The following LRP1B variants were observed in gnomAD, a reference collection of about 807,000 sequenced individuals.
LRP1B encodes the protein LDL receptor related protein 1B.
In LRP1B, 217 loss-of-function variants were observed where a neutral mutation model predicts 556.6. That is an observed-to-expected ratio of 0.39 (90% CI 0.35 to 0.44). LRP1B has a LOEUF of 0.44. LRP1B is among the 20% of genes least tolerant of loss of function. LRP1B has a pLI of 1.00. For synonymous variants in LRP1B, 2,047 were observed against 1,865.8 expected (o/e 1.10, Z -2.50); for missense variants, 5,053 against 5,620.8 (o/e 0.90, Z 3.23).
intron 60 of LRP1B, among the ~76,000 whole-genome samples, chr2:140,458,157 T>C (rs1375341609): frequency 1.3e-5 from 2 of 152,100 alleles, no homozygotes; most frequent in African/African-American, 2.4e-5. Context: ...AATAAAGTGG[T>C]TATGAAACTA....
chr2:140,248,240 C>A (rs1455588583), intron 86 of LRP1B, among the ~76,000 whole-genome samples: 1 of 151,558 alleles, frequency 6.6e-6, no homozygotes, highest in Admixed American at 6.6e-5. Flanking sequence ...TGGGCAAATT[C>A]TCATAAAATC....
chr2:141,699,607 A>C (rs1261194163), intron 2 of LRP1B, among the ~76,000 whole-genome samples: 1 of 151,330 alleles, frequency 6.6e-6, no homozygotes, highest in Non-Finnish European at 1.5e-5. Context: ...ACCCTGGATC[A>C]CCTCTCCGGT....
chr2:141,875,446 T>C (rs978984066), intron 1 of LRP1B, among the ~76,000 whole-genome samples: 2 of 151,998 alleles, frequency 1.3e-5, no homozygotes, highest in African/African-American at 2.4e-5. Context: ...AAAATACAAT[T>C]GATACTGATG....
At chr2:140,855,158 C>T (rs897530180) in intron 27 of LRP1B, among the ~76,000 whole-genome samples, 7 of 151,892 alleles carry the variant, frequency 4.6e-5, no homozygotes, top group Non-Finnish European at 1.0e-4. Context: ...CAATAGTGGA[C>T]GAGTTCTTAC....
intron 2 of LRP1B, among the ~76,000 whole-genome samples, chr2:141,723,514 T>TA (rs1279879929): frequency 6.6e-6 from 1 of 151,800 alleles, no homozygotes; most frequent in African/African-American, 2.4e-5. Flanking sequence ...TAAATATTGT[T>TA]ACAACTAAAA....
rs775641197 is a variant in LRP1B at position 140,903,175 on chromosome 2, G to A, written c.3521-10C>T. ...TTCAGCGAACACTCATCTATAAAAAGGGGGGAACAGATTATAGGTCTTATC... is the reference window on the plus strand; with the variant it reads ...TTCAGCGAACACTCATCTATAAAAAAGGGGGAACAGATTATAGGTCTTATC... On this transcript the variant is annotated splice_polypyrimidine_tract_variant and intron_variant, in intron 22 of 90. Transcript: ENST00000389484. The A allele has an allele frequency of 6.2e-7, 1 of 1,611,630 alleles. No individual in the cohort carries two copies. The highest frequency in any genetic ancestry group is 8.5e-7 in the Non-Finnish European group (1 of 1,179,098).
chr2:140,852,065 C>G (rs138040916), intron 27 of LRP1B, among the ~76,000 whole-genome samples: 9,512 of 152,278 alleles, frequency 0.062, 429 homozygotes, highest in Admixed American at 0.095. Context: ...TGGTTGCTCA[C>G]GCCTGTCATC....
At chr2:140,962,992 G>A (rs768274408) in intron 18 of LRP1B, among the ~76,000 whole-genome samples, 10 of 152,190 alleles carry the variant, frequency 6.6e-5, no homozygotes, top group Admixed American at 3.3e-4. Context: ...AAATACAGAG[G>A]TAGGTTTAGA....
chr2:141,532,346 C>T (rs994171433), intron 2 of LRP1B, among the ~76,000 whole-genome samples: 1 of 151,644 alleles, frequency 6.6e-6, no homozygotes, highest in African/African-American at 2.4e-5. Context: ...TGCTCTTAAG[C>T]ACAATCAGGC....
chr2:140,561,950 T>G (rs1680947200), intron 43 of LRP1B, among the ~76,000 whole-genome samples: 1 of 152,048 alleles, frequency 6.6e-6, no homozygotes, highest in South Asian at 2.1e-4. Context: ...TTAATGTAAT[T>G]TACTATATAA....
rs746803609 is a variant in LRP1B at position 140,297,889 on chromosome 2, C to T, written c.12886G>A (p.Gly4296Arg). The change falls in exon 84 of 91, where the codon GGA becomes AGA. Residue 4296 changes from glycine to arginine, a missense_variant. Around this residue, in one of 5 missense-constraint regions of LRP1B, gnomAD observed 551 missense variants for 592.0 expected, o/e 0.93. Transcript: ENST00000389484. The part of the protein sequence containing the change: ...KTVCEDFCQN[G>R]GTCIVTAGNQ... ...CCAGCAGTCACAATGCAGGTTCCTC[C>T]ATTTTGACAAAAATCCTCACAGACT... 1 of 1,614,020 alleles carries T rather than the reference C, an allele frequency of 6.2e-7. No individual in the cohort carries two copies. The highest frequency in any genetic ancestry group is 1.7e-5 in the Admixed American group (1 of 60,016).
At chr2:141,272,687 A>G (rs1685131991) in intron 3 of LRP1B, among the ~76,000 whole-genome samples, 1 of 152,194 alleles carries the variant, frequency 6.6e-6, no homozygotes, top group Non-Finnish European at 1.5e-5. Flanking sequence ...ATTTGACAAA[A>G]CAGACTTTAA....
At chr2:140,575,117 A>G (rs1275812350) in intron 43 of LRP1B, among the ~76,000 whole-genome samples, 1 of 152,206 alleles carries the variant, frequency 6.6e-6, no homozygotes, top group Non-Finnish European at 1.5e-5. Context: ...CATTACTGTG[A>G]TCCTGCGATG....
intron 86 of LRP1B, chr2:140,269,311 C>T (rs1207128016): frequency 2.1e-6 from 1 of 470,924 alleles, no homozygotes; most frequent in African/African-American, 2.0e-5. Flanking sequence ...CAAATCCCCT[C>T]ATTCTGACAG....
intron 20 of LRP1B, among the ~76,000 whole-genome samples, chr2:140,946,646 T>C (rs982055270): frequency 1.3e-5 from 2 of 151,884 alleles, no homozygotes; most frequent in Non-Finnish European, 2.9e-5. Flanking sequence ...ACAACAGAAC[T>C]ATCATTTGAC....
intron 1 of LRP1B, among the ~76,000 whole-genome samples, chr2:141,978,260 C>T (rs751724416): frequency 6.6e-6 from 1 of 151,914 alleles, no homozygotes; most frequent in African/African-American, 2.4e-5. Flanking sequence ...TTGCCAATTA[C>T]TAAAAAACCT....
At chr2:141,555,626 C>T (rs535682895) in intron 2 of LRP1B, among the ~76,000 whole-genome samples, 3 of 151,922 alleles carry the variant, frequency 2.0e-5, no homozygotes, top group Admixed American at 1.3e-4. Context: ...GGAACAAGCT[C>T]GTCATTATCT....
chr2:141,960,787 A>G lies in LRP1B; in HGVS notation c.83-150386T>C, dbSNP rs73963404. 8.3e-3 allele frequency among the ~76,000 whole-genome samples: 1,259 copies of G among 152,008 alleles called. 17 individuals carry two copies. Among genetic ancestry groups the G allele is most frequent in the African/African-American group, 0.029 (1,201 of 41,542 alleles). The stretch of plus-strand genomic sequence containing the variant: ...TTTCTATACATTAAATAAAACACTG[A>G]TTAATGTTTACAATAATCTAAAGAT... On this transcript the variant is annotated intron_variant, in intron 1 of 90. Coordinates refer to ENST00000389484, the MANE Select transcript of LRP1B (RefSeq NM_018557.3).
intron 17 of LRP1B, 101 bp downstream of exon 17, chr2:140,989,431 T>G (rs1206100775): frequency 8.0e-7 from 1 of 1,248,594 alleles, no homozygotes; most frequent in Non-Finnish European, 1.1e-6. Context: ...AATCAGATCA[T>G]CAGCACTAGG....
Sources: allele counts gnomAD v4.1 joint callset (sites outside exome capture counted in the v4.1 genomes callset), GRCh38; gene constraint gnomAD v4.1.1; regional missense constraint gnomAD v4.1.1; transcripts MANE v1.5; gene names NCBI Gene and HGNC (gene_info 2026-07-23, HGNC 2026-07-21).